Variants in NRG3 observed in about 807,000 individuals in gnomAD.
NRG3 encodes the protein neuregulin 3.
Under a neutral mutation model 66.9 loss-of-function variants are expected in NRG3, and 31 were observed. The ratio of observed to expected loss-of-function variants is 0.46; its 90% confidence interval spans 0.35 to 0.63. The LOEUF (loss-of-function observed/expected upper bound fraction) is 0.63. Among genes scored for constraint, NRG3 ranks in the 20% least tolerant of loss-of-function variants. NRG3 has a pLI of 0.00. For missense variants in NRG3, 910 were observed against 878.9 expected, an observed-to-expected ratio of 1.04 and a Z score of -0.45; for synonymous variants, 393 against 359.4, an observed-to-expected ratio of 1.09 and a Z score of -1.06.
At chr10:82,519,237 A>T (rs939529557) in intron 2 of NRG3, among the ~76,000 whole-genome samples, 1 of 152,140 alleles carries the variant, frequency 6.6e-6, no homozygotes, top group Admixed American at 6.5e-5. Flanking sequence ...AGGAGAATCT[A>T]TAGTCTCATG....
chr10:82,937,018 C>T (rs1440677268), intron 4 of NRG3, among the ~76,000 whole-genome samples: 5 of 152,176 alleles, frequency 3.3e-5, no homozygotes, highest in African/African-American at 9.6e-5. Flanking sequence ...ATTGCTGTGA[C>T]TATCATTATT....
chr10:82,838,193 GATAC>G (rs2062874042), intron 3 of NRG3, among the ~76,000 whole-genome samples: 1 of 152,148 alleles, frequency 6.6e-6, no homozygotes, highest in Non-Finnish European at 1.5e-5. Flanking sequence ...TGTTCTTGCT[GATAC>G]ATACAGAGGG....
intron 2 of NRG3, among the ~76,000 whole-genome samples, chr10:82,376,832 A>G (rs776556299): frequency 6.6e-6 from 1 of 151,994 alleles, no homozygotes; most frequent in Non-Finnish European, 1.5e-5. Flanking sequence ...TCTTCCTTCT[A>G]TGCATATTCA....
intron 1 of NRG3, among the ~76,000 whole-genome samples, chr10:81,909,372 T>TG (rs1226818662): frequency 6.6e-6 from 1 of 152,106 alleles, no homozygotes; most frequent in Non-Finnish European, 1.5e-5. Flanking sequence ...CATGAATTCT[T>TG]GGGGGGATGT....
intron 3 of NRG3, among the ~76,000 whole-genome samples, chr10:82,834,497 G>A (rs1023469114): frequency 1.1e-4 from 16 of 152,052 alleles, no homozygotes; most frequent in South Asian, 2.1e-4. Flanking sequence ...AAATAAAGAC[G>A]GCCAACAATC....
intron 3 of NRG3, among the ~76,000 whole-genome samples, chr10:82,787,028 C>T (rs924809855): frequency 6.6e-6 from 1 of 152,126 alleles, no homozygotes; most frequent in African/African-American, 2.4e-5. Flanking sequence ...CTTTATTACC[C>T]AGTCTCAAAT....
intron 4 of NRG3, among the ~76,000 whole-genome samples, chr10:82,877,068 AG>A (rs1841894409): frequency 6.6e-6 from 1 of 152,064 alleles, no homozygotes; most frequent in South Asian, 2.1e-4. Context: ...GAGTTATCAG[AG>A]AAGTTAAAAA....
intron 1 of NRG3, among the ~76,000 whole-genome samples, chr10:82,138,779 C>T (rs2069553104): frequency 6.6e-6 from 1 of 152,104 alleles, no homozygotes; most frequent in South Asian, 2.1e-4. Context: ...AGCTGAAGGA[C>T]TTGGAGTCTA....
intron 1 of NRG3, among the ~76,000 whole-genome samples, chr10:82,282,828 C>T (rs529029153): frequency 2.6e-5 from 4 of 152,076 alleles, no homozygotes; most frequent in Admixed American, 2.0e-4. Context: ...ATTTTTAATT[C>T]GAAGGGTAGG....
chr10:82,213,639 A>G (rs2075514424), intron 1 of NRG3, among the ~76,000 whole-genome samples: 1 of 152,192 alleles, frequency 6.6e-6, no homozygotes, highest in South Asian at 2.1e-4. Flanking sequence ...ACTATAAAAT[A>G]TAAGGTATTA....
At chr10:82,543,920 T>C (rs78924362) in intron 2 of NRG3, among the ~76,000 whole-genome samples, 1 of 152,186 alleles carries the variant, frequency 6.6e-6, no homozygotes, top group Non-Finnish European at 1.5e-5. Context: ...GCTAGGGATA[T>C]GACAACTAAG....
At chr10:82,817,276 G>A (rs1188023166) in intron 3 of NRG3, among the ~76,000 whole-genome samples, 1 of 152,126 alleles carries the variant, frequency 6.6e-6, no homozygotes, top group Non-Finnish European at 1.5e-5. Flanking sequence ...GATTTCAATA[G>A]CAAAATTACC....
chr10:82,750,977 T>C (rs2058838962), intron 3 of NRG3, among the ~76,000 whole-genome samples: 1 of 152,176 alleles, frequency 6.6e-6, no homozygotes, highest in African/African-American at 2.4e-5. Flanking sequence ...GGTAAAATCA[T>C]TGCATTAAGC....
chr10:81,992,435 A>C (rs1312345952), intron 1 of NRG3, among the ~76,000 whole-genome samples: 1 of 152,174 alleles, frequency 6.6e-6, no homozygotes, highest in Non-Finnish European at 1.5e-5. Flanking sequence ...AACATTGGCC[A>C]TGTCTCCTTT....
At chr10:81,946,079 C>T (rs1848818327) in intron 1 of NRG3, among the ~76,000 whole-genome samples, 1 of 152,032 alleles carries the variant, frequency 6.6e-6, no homozygotes, top group African/African-American at 2.4e-5. Flanking sequence ...TGCAATGGTG[C>T]AGTCTTGGCT....
intron 1 of NRG3, among the ~76,000 whole-genome samples, chr10:82,315,561 G>A (rs2081248663): frequency 6.6e-6 from 1 of 152,084 alleles, no homozygotes; most frequent in South Asian, 2.1e-4. Context: ...CGTCTTTGAA[G>A]GATGACATTA....
At chr10:82,421,360 A>G (rs932598428) in intron 2 of NRG3, among the ~76,000 whole-genome samples, 5 of 152,066 alleles carry the variant, frequency 3.3e-5, no homozygotes, top group African/African-American at 9.7e-5. Context: ...AATGAGTGCT[A>G]TGTTGGGATA....
At chr10:81,976,693 T>C (rs1404131684) in intron 1 of NRG3, among the ~76,000 whole-genome samples, 1 of 152,180 alleles carries the variant, frequency 6.6e-6, no homozygotes, top group Non-Finnish European at 1.5e-5. Flanking sequence ...GCCACATTTA[T>C]TGTTCTAAGG....
At chr10:82,269,232 A>C (rs2078466065) in intron 1 of NRG3, among the ~76,000 whole-genome samples, 1 of 152,096 alleles carries the variant, frequency 6.6e-6, no homozygotes, top group African/African-American at 2.4e-5. Context: ...AGCCTCTAAT[A>C]GGAGGTGGTT....
Sources: allele counts gnomAD v4.1 joint callset (sites outside exome capture counted in the v4.1 genomes callset), GRCh38; gene constraint gnomAD v4.1.1; transcripts MANE v1.5; gene names NCBI Gene and HGNC (gene_info 2026-07-23, HGNC 2026-07-21).